SQSTM1: variants seen among roughly 807,000 people sequenced by gnomAD.
The protein encoded by SQSTM1 is sequestosome 1, also known as sequestosome-1.
Under a neutral mutation model 45.1 loss-of-function variants are expected in SQSTM1, and 36 were observed. That is an observed-to-expected ratio of 0.80 (90% CI 0.61 to 1.05). SQSTM1 has a LOEUF of 1.05. Ranked by LOEUF, SQSTM1 falls within the 50% of genes least tolerant of loss-of-function variation. The probability of loss-of-function intolerance (pLI) is 0.00; values close to 1 mark genes in which losing one functional copy is unlikely to be tolerated. For synonymous variants in SQSTM1, 290 were observed against 244.3 expected (o/e 1.19, Z -1.74); for missense variants, 617 against 607.1 (o/e 1.02, Z -0.17).
chr5:179,826,596 C>CGG (rs1757997324), intron 5 of SQSTM1, among the ~76,000 whole-genome samples: 1 of 112,076 alleles, frequency 8.9e-6, no homozygotes, highest in Non-Finnish European at 1.8e-5. Flanking sequence ...AATCGCTAGT[C>CGG]TGTTTTTTTT....
rs551868043 is a variant in SQSTM1 at position 179,809,039 on chromosome 5, A to G, written c.-157+2448A>G. 5.9e-5 allele frequency among the ~76,000 whole-genome samples: 8 copies of G among 135,176 alleles called. No individual in the cohort carries two copies. The Admixed American group carries it at 6.0e-4, about 10-fold the overall frequency. 88.7% of individuals were successfully genotyped at this position (135,176 alleles called of 152,430 possible). A position where few individuals can be genotyped will look rare whatever the true frequency, so the allele number is the denominator to read the frequency against. On this transcript the variant is annotated intron_variant, in intron 1 of 5. Coordinates refer to the SQSTM1 transcript ENST00000514093. The stretch of plus-strand genomic sequence containing the variant: ...CGCTCGGCTGATTTTTTGTATTTTT[A>G]TTAGAGACGGGGTTTCACCGTGTTA...
At chr5:179,821,801 GTGTGA>G (rs1757791990) in intron 1 of SQSTM1, 1 of 305,688 alleles carries the variant, frequency 3.3e-6, no homozygotes, top group African/African-American at 2.5e-5. Context: ...TGCTGCGCTG[GTGTGA>G]CCAGTGGCTG....
intron 5 of SQSTM1, among the ~76,000 whole-genome samples, chr5:179,827,156 G>A (rs553942518): frequency 2.0e-5 from 3 of 152,218 alleles, no homozygotes; most frequent in South Asian, 2.1e-4. Flanking sequence ...TGGTGAGTGA[G>A]TGTTGGTGGG....
rs771124822 is a variant in SQSTM1 at position 179,833,664 on chromosome 5, TA to T, written c.1048del (p.Thr350GlnfsTer28). On this transcript the variant is annotated frameshift_variant, in exon 7 of 8. Coordinates refer to ENST00000389805, the MANE Select transcript of SQSTM1 (RefSeq NM_003900.5). LOFTEE classifies it high-confidence loss of function. ...HLSSKEVDPS[T>X]GELQSLQMPE... ...TGTCTTCAAAAGAAGTGGACCCGTC[TA>T]CAGGTGAACTCCAGTCCCTACAGAT... The T allele has an allele frequency of 3.7e-6, 6 of 1,614,176 alleles. No homozygotes were observed. The highest frequency in any genetic ancestry group is 5.1e-6 in the Non-Finnish European group (6 of 1,180,034).
intron 5 of SQSTM1, among the ~76,000 whole-genome samples, chr5:179,828,747 A>G (rs1359602984): frequency 6.6e-6 from 1 of 152,232 alleles, no homozygotes; most frequent in East Asian, 1.9e-4. Flanking sequence ...AGATGGAGGT[A>G]CTTGTAGTTA....
rs1410128012 is a variant in SQSTM1, at chr5:179,806,679, G to GGCA, written c.-157+90_-157+92dup. The GGCA allele has an allele frequency of 7.1e-5, 36 of 509,610 alleles. No individual in the cohort carries two copies. The highest frequency in any genetic ancestry group is 9.1e-5 in the Non-Finnish European group (36 of 396,636). The allele number at this position is 509,610 out of a possible 1,614,324, so 31.6% of individuals were successfully genotyped here. On this transcript the variant is annotated intron_variant, in intron 1 of 5. Transcript: ENST00000514093. This position sits in a 1 kb window ranked among gnomAD's most constrained non-coding sequence, Gnocchi z 4.6. ...GGGGTCGGAAGGCGGCGGCGGCGGCGGCAGGGGCCCCGGCCCCGGGTCGGG... is the reference window on the plus strand; with the variant it reads ...GGGGTCGGAAGGCGGCGGCGGCGGCGGCAGCAGGGGCCCCGGCCCCGGGTCGGG...
At position 179,821,083 on chromosome 5, in the gene SQSTM1, C is replaced by T. The variant is rs1258824064; in HGVS notation, c.147C>T (p.Ser49=). ...AGPGPCERLL[S]RVAALFPALR... ...CGGGACCCTGCGAGCGGCTGCTGAG[C>T]CGGGTGGCCGCCCTGTTCCCCGCGC... Residue 49 remains serine, a synonymous_variant, in exon 1 of 8, where the codon AGC becomes AGT. Coordinates refer to ENST00000389805, the MANE Select transcript of SQSTM1 (RefSeq NM_003900.5). 1.7e-5 allele frequency: 25 copies of T among 1,469,010 alleles called. No individual in the cohort carries two copies. The highest frequency in any genetic ancestry group is 1.3e-4 in the African/African-American group (9 of 68,606). 91.0% of individuals were successfully genotyped at this position (1,469,010 alleles called of 1,614,324 possible). A position where few individuals can be genotyped will look rare whatever the true frequency, so the allele number is the denominator to read the frequency against.
In SQSTM1 at chr5:179,836,766, CCT is replaced by C. The variant is rs1491347217; in HGVS notation, c.*174_*175del. On this transcript the variant is annotated 3_prime_UTR_variant, in exon 8 of 8. Transcript: ENST00000389805. ...AAACAAGTGACATGAAGGGAGGGTCCCTGTGTGTGTGTGTGCTGATGTTTCCT... is the reference window on the plus strand; with the variant it reads ...AAACAAGTGACATGAAGGGAGGGTCCGTGTGTGTGTGTGCTGATGTTTCCT... The C allele has an allele frequency of 3.4e-5, 33 of 971,736 alleles. No homozygotes were observed. The highest frequency in any genetic ancestry group is 4.9e-5 in the African/African-American group (3 of 61,594). The allele number at this position is 971,736 out of a possible 1,614,324, so 60.2% of individuals were successfully genotyped here. A position where few individuals can be genotyped will look rare whatever the true frequency, so the allele number is the denominator to read the frequency against.
At chr5:179,814,898 G>C (rs756936736), upstream of SQSTM1, among the ~76,000 whole-genome samples, 8 of 152,072 alleles carry the variant, frequency 5.3e-5, no homozygotes, top group Non-Finnish European at 1.0e-4. Context: ...CTCCAGACTG[G>C]GGACCAAAGT....
At position 179,833,126 on chromosome 5, in the gene SQSTM1, C is replaced by T. The variant is rs1280823562; in HGVS notation, c.849C>T (p.Ser283=). The T allele has an allele frequency of 6.2e-7, 1 of 1,614,230 alleles. No individual in the cohort carries two copies. Among genetic ancestry groups the T allele is most frequent in the African/African-American group, 1.3e-5 (1 of 75,064 alleles). The change falls in exon 6 of 8, where the codon AGC becomes AGT. Residue 283 remains serine (S), a synonymous_variant. Transcript: ENST00000389805. ...GTTCCAGCACAGAGGAGAAGAGCAG[C>T]TCACAGCCAAGCAGCTGCTGCTCTG... ...PESSSTEEKS[S]SQPSSCCSDP...
Position 179,833,763 on chromosome 5 carries a change from G to A in SQSTM1, c.1146G>A (p.Leu382=). The part of the protein sequence containing the change: ...EGPTGLKEAA[L]YPHLPPEADP... The stretch of plus-strand genomic sequence containing the variant: ...CCACAGGGCTGAAGGAAGCTGCCTT[G>A]TACCCACATCTCCCGCCAGGCAAGT... The change falls in exon 7 of 8, where the codon TTG becomes TTA. Residue 382 remains leucine (L), a synonymous_variant. Coordinates refer to ENST00000389805, the MANE Select transcript of SQSTM1 (RefSeq NM_003900.5). 1.2e-6 allele frequency: 2 copies of A among 1,614,062 alleles called. No individual in the cohort carries two copies. Among genetic ancestry groups the A allele is most frequent in the Non-Finnish European group, 8.5e-7 (1 of 1,180,024 alleles).
upstream of SQSTM1, among the ~76,000 whole-genome samples, chr5:179,816,630 T>G (rs1166050972): frequency 1.3e-5 from 2 of 152,306 alleles, no homozygotes; most frequent in East Asian, 1.9e-4. Context: ...CATGCCGACC[T>G]CTCCCCCACC....
chr5:179,812,989 C>G (rs1179083960), intron 2 of SQSTM1: 1 of 142,926 alleles, frequency 7.0e-6, no homozygotes, highest in Admixed American at 7.0e-5. Flanking sequence ...ACATGGTCCC[C>G]CCCCCCCCAA....
At chr5:179,816,949 C>T (rs1007350494), upstream of SQSTM1, among the ~76,000 whole-genome samples, 1 of 152,190 alleles carries the variant, frequency 6.6e-6, no homozygotes, top group African/African-American at 2.4e-5. Flanking sequence ...GCCTCTCAGC[C>T]CCTCCCGCCG....
rs914351703 is a variant in SQSTM1 at position 179,834,161 on chromosome 5, G to GC, written c.1165+379_1165+380insC. On this transcript the variant is annotated intron_variant, in intron 7 of 7. Transcript: ENST00000389805. ...TCAGGGAGTGCTGGTCTGAGAGGGG[G>GC]GGGGGTCATAGCCAAGATCCCTGTA... 8.9e-5 allele frequency among the ~76,000 whole-genome samples: 13 copies of GC among 145,536 alleles called. 1 individual carries two copies. Among genetic ancestry groups the GC allele is most frequent in the African/African-American group, 3.1e-4 (12 of 39,086 alleles).
chr5:179,830,122 C>CAA (rs1245970926), intron 5 of SQSTM1, among the ~76,000 whole-genome samples: 1 of 92,394 alleles, frequency 1.1e-5, no homozygotes, highest in African/African-American at 5.5e-5. Flanking sequence ...CAAAACAAAA[C>CAA]AAAACAAAAC....
upstream of SQSTM1, chr5:179,820,778 T>C (rs1294892490): frequency 2.1e-5 from 13 of 629,416 alleles, no homozygotes; most frequent in Non-Finnish European, 3.0e-5. Context: ...AAGGGGCCTC[T>C]GCAGGGCGGC....
At chr5:179,834,420 T>TTTATTTA (rs1758409727) in intron 7 of SQSTM1, among the ~76,000 whole-genome samples, 1 of 151,368 alleles carries the variant, frequency 6.6e-6, no homozygotes, top group African/African-American at 2.4e-5. Flanking sequence ...TGTTTATTTA[T>TTTATTTA]TTATTTATTT....
chr5:179,820,949 A>G lies in SQSTM1; in HGVS notation c.13A>G (p.Thr5Ala), dbSNP rs1488103357. Residue 5 changes from threonine to alanine, a missense_variant, in exon 1 of 8, where the codon ACC becomes GCC. By Grantham distance (58) the Thr-to-Ala change is moderately conservative. Coordinates refer to ENST00000389805, the MANE Select transcript of SQSTM1 (RefSeq NM_003900.5). Reference sequence around the variant, plus strand: ...CTCGCCGCTCGCTATGGCGTCGCTCACCGTGAAGGCCTACCTTCTGGGCAA... The same window carrying G: ...CTCGCCGCTCGCTATGGCGTCGCTCGCCGTGAAGGCCTACCTTCTGGGCAA... MASL[T>A]VKAYLLGKED... is the part of the protein sequence containing the mutation. 1.9e-6 allele frequency: 3 copies of G among 1,556,076 alleles called. No individual in the cohort carries two copies. Among genetic ancestry groups the G allele is most frequent in the Admixed American group, 3.6e-5 (2 of 56,034 alleles).
Sources: allele counts gnomAD v4.1 joint callset (sites outside exome capture counted in the v4.1 genomes callset), GRCh38; gene constraint gnomAD v4.1.1; non-coding constraint Gnocchi (gnomAD v3.1); transcripts MANE v1.5; gene names NCBI Gene and HGNC (gene_info 2026-07-23, HGNC 2026-07-21).